STRADA: variants seen among roughly 807,000 people sequenced by gnomAD.
The protein encoded by STRADA is STE20 related adaptor alpha, also known as STE20-related kinase adapter protein alpha.
A neutral mutation model predicts 55.0 loss-of-function variants in STRADA; 26 were observed. That is an observed-to-expected ratio of 0.47 (90% CI 0.35 to 0.66). The LOEUF (loss-of-function observed/expected upper bound fraction) is 0.66. Among genes scored for constraint, STRADA ranks in the 30% least tolerant of loss-of-function variants. The pLI is 0.01. For missense variants in STRADA, 443 were observed against 549.7 expected (o/e 0.81, Z 1.94); for synonymous variants, 197 against 210.9 (o/e 0.93, Z 0.57).
chr17:63,709,532 C>T (rs2036345359), intron 8 of STRADA, among the ~76,000 whole-genome samples: 2 of 152,118 alleles, frequency 1.3e-5, no homozygotes, highest in South Asian at 4.1e-4. Context: ...GTTTCTTAAC[C>T]TTTTTCATGG....
intron 1 of STRADA, among the ~76,000 whole-genome samples, chr17:63,730,911 G>A (rs2037994241): frequency 6.6e-6 from 1 of 151,966 alleles, no homozygotes; most frequent in Non-Finnish European, 1.5e-5. Context: ...CAAAGTGCTA[G>A]GATTACAGGT....
At chr17:63,711,075 C>CG in intron 6 of STRADA, 7 of 528,190 alleles carry the variant, frequency 1.3e-5, no homozygotes, top group Non-Finnish European at 2.0e-5. Context: ...CAAAGGGTGC[C>CG]AGCACACCGA....
chr17:63,703,651 A>G lies in STRADA; in HGVS notation c.1244T>C (p.Phe415Ser). The G allele has an allele frequency of 6.2e-7, 1 of 1,614,224 alleles. No individual in the cohort carries two copies. Among genetic ancestry groups the G allele is most frequent in the South Asian group, 1.1e-5 (1 of 91,086 alleles). Residue 415 changes from phenylalanine (F) to serine (S), a missense_variant, in exon 13 of 13, where the codon TTT (phenylalanine) becomes TCT (serine). Physicochemically the swap from Phe to Ser is radical, Grantham distance 155. Coordinates refer to ENST00000336174, the MANE Select transcript of STRADA (RefSeq NM_001003787.4). Reference sequence around the variant, plus strand: ...CTCTTCCAGGTTTGTTACCAGGCCAAAGATTCCACTGTGGTCCTGAGACTG... The same window carrying G: ...CTCTTCCAGGTTTGTTACCAGGCCAGAGATTCCACTGTGGTCCTGAGACTG... ...GSQSQDHSGIFGLVTNLEELE... is the reference protein window; with the variant it reads ...GSQSQDHSGISGLVTNLEELE...
At chr17:63,705,023 CGCT>C (rs1300597726) in intron 10 of STRADA, 2 of 1,059,046 alleles carry the variant, frequency 1.9e-6, no homozygotes. Flanking sequence ...CCTGGGCTGT[CGCT>C]GCAGCAGGCC....
At chr17:63,710,296 C>CA in intron 8 of STRADA, 195 bp downstream of exon 8, 1 of 851,272 alleles carries the variant, frequency 1.2e-6, no homozygotes, top group Non-Finnish European at 1.7e-6. Context: ...CTTGGCCTCC[C>CA]AAGCGCTGTG....
intron 4 of STRADA, among the ~76,000 whole-genome samples, chr17:63,717,893 G>C (rs531758662): frequency 6.6e-6 from 1 of 151,876 alleles, no homozygotes; most frequent in African/African-American, 2.4e-5. Flanking sequence ...GATTATAGGC[G>C]TGAGCCACCA....
chr17:63,707,211 T>G lies in STRADA; in HGVS notation c.753+36A>C, dbSNP rs1462968009. 37 of 1,605,922 alleles carry G rather than the reference T, an allele frequency of 2.3e-5. No homozygotes were observed. The East Asian group carries it at 8.1e-4, about 35-fold the overall frequency. On this transcript the variant is annotated intron_variant, in intron 9 of 12. Coordinates refer to ENST00000336174, the MANE Select transcript of STRADA (RefSeq NM_001003787.4). ...TGAAGGCTCCCTTGGGAATCATGAG[T>G]TGGGTAGGGGAGCTCCTCTGGGCCC...
At chr17:63,728,996 C>T (rs1044039691) in intron 1 of STRADA, among the ~76,000 whole-genome samples, 3 of 151,990 alleles carry the variant, frequency 2.0e-5, no homozygotes, top group African/African-American at 7.2e-5. Context: ...CCCCCACTAA[C>T]CTTTTCCCAG....
Position 63,740,135 on chromosome 17 carries a change from CATATATATATAT to C in STRADA, c.-45+1594_-45+1605del, listed in dbSNP as rs1228869564. Among the ~76,000 whole-genome samples, 125 of 54,220 alleles carry C rather than the reference CATATATATATAT, an allele frequency of 2.3e-3. 6 individuals carry two copies. The highest frequency in any genetic ancestry group is 9.3e-3 in the African/African-American group (116 of 12,504). The allele number at this position is 54,220 out of a possible 152,430, so 35.6% of individuals were successfully genotyped here. A position where few individuals can be genotyped will look rare whatever the true frequency, so the allele number is the denominator to read the frequency against. On this transcript the variant is annotated intron_variant, in intron 1 of 12. Transcript: ENST00000336174. Reference sequence around the variant, plus strand: ...ATACATACATATATATATACACATACATATATATATATACACACACACACACACACACACACA... The same window carrying C: ...ATACATACATATATATATACACATACACACACACACACACACACACACACA...
chr17:63,737,279 T>TAAAAAAAAAAAAAAAAAA (rs2038516780), intron 1 of STRADA: 1 of 63,436 alleles, frequency 1.6e-5, no homozygotes, highest in Admixed American at 1.6e-4. Flanking sequence ...AAAAAAAAAT[T>TAAAAAAAAAAAAAAAAAA]GAGATAGTTC....
chr17:63,732,626 T>C (rs916034884), intron 1 of STRADA, among the ~76,000 whole-genome samples: 3 of 152,052 alleles, frequency 2.0e-5, no homozygotes, highest in African/African-American at 7.2e-5. Context: ...CGAAAGCCCA[T>C]CTCTACAAAA....
chr17:63,712,333 A>T (rs1334281666), intron 6 of STRADA: 1 of 152,234 alleles, frequency 6.6e-6, no homozygotes, highest in Middle Eastern at 3.4e-3. Context: ...TTGCCCTCCC[A>T]AAGTGTTGGG....
At chr17:63,720,173 A>AT (rs55889977) in intron 4 of STRADA, among the ~76,000 whole-genome samples, 40,038 of 143,012 alleles carry the variant, frequency 0.28, 5,717 homozygotes, top group Middle Eastern at 0.39. Context: ...TGCCAAGCTA[A>AT]TTTTTTTTTT....
intron 4 of STRADA, among the ~76,000 whole-genome samples, chr17:63,721,919 T>G (rs1427479368): frequency 6.6e-6 from 1 of 152,148 alleles, no homozygotes; most frequent in Non-Finnish European, 1.5e-5. Context: ...CCAAACTTCA[T>G]TTAGGAAAAC....
At chr17:63,736,153 G>A (rs1244294196) in intron 1 of STRADA, among the ~76,000 whole-genome samples, 2 of 151,930 alleles carry the variant, frequency 1.3e-5, no homozygotes, top group Non-Finnish European at 2.9e-5. Context: ...TGTTGGCCAG[G>A]CTGGTCTCAA....
chr17:63,705,901 T>G (rs867408909), intron 10 of STRADA: 2 of 152,194 alleles, frequency 1.3e-5, no homozygotes, highest in Admixed American at 6.6e-5. Flanking sequence ...GCCCCTGCTC[T>G]GGGGGGCTGC....
chr17:63,727,387 G>A (rs980882268), intron 2 of STRADA: 1 of 152,242 alleles, frequency 6.6e-6, no homozygotes, highest in African/African-American at 2.4e-5. Context: ...TTAAGGACTG[G>A]TGTTACACTT....
chr17:63,727,456 T>C (rs1427490846), intron 2 of STRADA: 2 of 152,212 alleles, frequency 1.3e-5, no homozygotes, highest in Non-Finnish European at 2.9e-5. Context: ...ATTCCTTTTT[T>C]CCTCTTAATT....
Position 63,724,465 on chromosome 17 carries a change from G to A in STRADA, c.95-1139C>T, listed in dbSNP as rs542013251. Among the ~76,000 whole-genome samples, 10 of 140,882 alleles carry A rather than the reference G, an allele frequency of 7.1e-5. No individual in the cohort carries two copies. The South Asian group carries it at 1.6e-3, about 23-fold the overall frequency. The allele number at this position is 140,882 out of a possible 152,430, so 92.4% of individuals were successfully genotyped here. On this transcript the variant is annotated intron_variant, in intron 3 of 12. Coordinates refer to ENST00000336174, the MANE Select transcript of STRADA (RefSeq NM_001003787.4). ...GCCTACCTTTTTTTTTTTTTGAGAC[G>A]GAGTCTCCCTCTGTCGCCCAGGCTG...
Sources: allele counts gnomAD v4.1 joint callset (sites outside exome capture counted in the v4.1 genomes callset), GRCh38; gene constraint gnomAD v4.1.1; transcripts MANE v1.5; gene names NCBI Gene and HGNC (gene_info 2026-07-23, HGNC 2026-07-21).